GULP1: variants seen among roughly 807,000 people sequenced by gnomAD.
The protein encoded by GULP1 is GULP PTB domain containing engulfment adaptor 1.
In GULP1, 19 loss-of-function variants were observed where a neutral mutation model predicts 40.9. The ratio of observed to expected loss-of-function variants is 0.46; its 90% confidence interval spans 0.32 to 0.68. The LOEUF is 0.68. Among genes scored for constraint, GULP1 ranks in the 30% least tolerant of loss-of-function variants. GULP1 has a pLI of 0.03. For missense variants in GULP1, 312 were observed against 362.2 expected (o/e 0.86, Z 1.12); for synonymous variants, 119 against 117.6 (o/e 1.01, Z -0.08).
At chr2:188,520,804 A>C (rs549217340) in intron 4 of GULP1, among the ~76,000 whole-genome samples, 1 of 152,208 alleles carries the variant, frequency 6.6e-6, no homozygotes, top group Non-Finnish European at 1.5e-5. Flanking sequence ...CTACCTCTAA[A>C]GATTCTGATT....
chr2:188,445,569 TC>T (rs1256376532), intron 2 of GULP1, among the ~76,000 whole-genome samples: 2 of 152,178 alleles, frequency 1.3e-5, no homozygotes, highest in Non-Finnish European at 2.9e-5. Context: ...TATTTTTATT[TC>T]CTACCACTCC....
chr2:188,544,431 A>G (rs758252603), intron 7 of GULP1, among the ~76,000 whole-genome samples: 5 of 152,042 alleles, frequency 3.3e-5, no homozygotes, highest in Non-Finnish European at 7.4e-5. Context: ...AGATATACCT[A>G]ATGCTAAATG....
chr2:188,367,063 G>C (rs2046902107), intron 1 of GULP1, among the ~76,000 whole-genome samples: 2 of 152,156 alleles, frequency 1.3e-5, no homozygotes, highest in Admixed American at 1.3e-4. Flanking sequence ...TTTATATGTA[G>C]TTAAATTTTT....
chr2:188,552,293 A>G (rs67018630), intron 7 of GULP1, among the ~76,000 whole-genome samples: 6,323 of 151,848 alleles, frequency 0.042, 172 homozygotes, highest in Middle Eastern at 0.11. Flanking sequence ...ATATTTTTAC[A>G]GTTCCAGATA....
chr2:188,303,770 A>G (rs1334667745), intron 1 of GULP1, among the ~76,000 whole-genome samples: 1 of 152,190 alleles, frequency 6.6e-6, no homozygotes, highest in Non-Finnish European at 1.5e-5. Flanking sequence ...TGACTTGTGC[A>G]TATTAGTTTT....
At chr2:188,443,688 T>G (rs536178584) in intron 2 of GULP1, among the ~76,000 whole-genome samples, 4 of 150,842 alleles carry the variant, frequency 2.7e-5, no homozygotes, top group African/African-American at 9.8e-5. Context: ...TGAATTTCTT[T>G]TCTTTTTTTT....
At chr2:188,552,382 A>C (rs1693699107) in intron 7 of GULP1, among the ~76,000 whole-genome samples, 1 of 151,640 alleles carries the variant, frequency 6.6e-6, no homozygotes, top group South Asian at 2.1e-4. Context: ...TATTCAATTC[A>C]ATTTTCCCAG....
intron 1 of GULP1, among the ~76,000 whole-genome samples, chr2:188,308,570 C>G (rs4413123): frequency 0.6 from 91,006 of 151,926 alleles, 27,814 homozygotes; most frequent in East Asian, 0.9. Flanking sequence ...CTGAACTTCT[C>G]CAAGTTCTGA....
At chr2:188,369,204 G>A (rs1045690877) in intron 1 of GULP1, among the ~76,000 whole-genome samples, 7 of 151,258 alleles carry the variant, frequency 4.6e-5, no homozygotes, top group South Asian at 2.1e-4. Flanking sequence ...CAGGTGATCC[G>A]CCTGCCTCGG....
chr2:188,488,166 C>T lies in GULP1; in HGVS notation c.90+4674C>T, dbSNP rs569228502. Among the ~76,000 whole-genome samples the T allele has an allele frequency of 3.4e-4, 51 of 152,106 alleles. 1 individual carries two copies. The highest frequency in any genetic ancestry group is 1.0e-3 in the African/African-American group (42 of 41,566). The stretch of plus-strand genomic sequence containing the variant: ...AATCAGAACCTACGTATCTGACATG[C>T]TCAGATGCACCCCTCAAGAGTAAGC... On this transcript the variant is annotated intron_variant, in intron 4 of 11. Transcript: ENST00000409830.
intron 1 of GULP1, among the ~76,000 whole-genome samples, chr2:188,337,702 C>A (rs2042454060): frequency 6.6e-6 from 1 of 151,922 alleles, no homozygotes; most frequent in South Asian, 2.1e-4. Flanking sequence ...GTGCTGAGCT[C>A]ACAGAACCAG....
intron 2 of GULP1, among the ~76,000 whole-genome samples, chr2:188,464,210 C>T (rs998540267): frequency 6.6e-6 from 1 of 152,178 alleles, no homozygotes; most frequent in Non-Finnish European, 1.5e-5. Flanking sequence ...TAAGCTGTAT[C>T]TTCCTTATGG....
intron 2 of GULP1, among the ~76,000 whole-genome samples, chr2:188,408,463 A>C (rs762228495): frequency 2.6e-5 from 4 of 152,194 alleles, no homozygotes; most frequent in Non-Finnish European, 4.4e-5. Context: ...TTCATCAATA[A>C]GATGTAAAAT....
intron 4 of GULP1, among the ~76,000 whole-genome samples, chr2:188,513,839 A>T (rs1043090944): frequency 7.2e-5 from 11 of 152,000 alleles, no homozygotes; most frequent in African/African-American, 2.7e-4. Context: ...ACACTCTTTG[A>T]TTCAATGTTG....
At chr2:188,559,490 G>A (rs977893623) in intron 7 of GULP1, among the ~76,000 whole-genome samples, 1 of 152,164 alleles carries the variant, frequency 6.6e-6, no homozygotes, top group Non-Finnish European at 1.5e-5. Flanking sequence ...GGAAATGTGG[G>A]GTCAGAGCCC....
chr2:188,383,381 A>G (rs2049257833), intron 1 of GULP1, among the ~76,000 whole-genome samples: 1 of 152,222 alleles, frequency 6.6e-6, no homozygotes. Flanking sequence ...TCACCTTCTT[A>G]ATCATCATGA....
chr2:188,535,958 A>AT (rs1311721958), intron 6 of GULP1, among the ~76,000 whole-genome samples: 1 of 151,638 alleles, frequency 6.6e-6, no homozygotes, highest in Non-Finnish European at 1.5e-5. Context: ...GATGTGGAGC[A>AT]TTTTTTTCAT....
intron 2 of GULP1, among the ~76,000 whole-genome samples, chr2:188,429,403 G>A (rs1400105356): frequency 6.6e-6 from 1 of 152,088 alleles, no homozygotes; most frequent in Non-Finnish European, 1.5e-5. Context: ...GGGAGGCTGA[G>A]TTATGAGAAT....
At chr2:188,573,928 A>G (rs1699649565) in intron 9 of GULP1, among the ~76,000 whole-genome samples, 1 of 152,212 alleles carries the variant, frequency 6.6e-6, no homozygotes, top group South Asian at 2.1e-4. Flanking sequence ...TCCCATTGGA[A>G]GCCAAATTTT....
Sources: gnomAD v4.1 joint callset for allele counts (sites outside exome capture counted in the v4.1 genomes callset) on GRCh38, gnomAD v4.1.1 for gene constraint, MANE v1.5 for transcripts, NCBI Gene and HGNC (gene_info 2026-07-23, HGNC 2026-07-21) for gene names.